CARS2: variants seen among roughly 807,000 people sequenced by gnomAD.
The protein encoded by CARS2 is probable cysteine--tRNA ligase, mitochondrial.
CARS2 carries 52 observed loss-of-function variants against 68.8 expected under a neutral mutation model. The observed-to-expected ratio is 0.76, with a 90% CI of 0.61 to 0.95. CARS2 has a LOEUF of 0.95. CARS2 is among the 40% of genes least tolerant of loss of function. The probability of loss-of-function intolerance (pLI) is 0.00; values close to 1 mark genes in which losing one functional copy is unlikely to be tolerated. For missense variants in CARS2, 780 were observed against 754.2 expected (o/e 1.03, Z -0.40); for synonymous variants, 314 against 303.6 (o/e 1.03, Z -0.36).
At chr13:110,686,263 A>G (rs2063303085) in intron 5 of CARS2, among the ~76,000 whole-genome samples, 1 of 147,194 alleles carries the variant, frequency 6.8e-6, no homozygotes, top group Non-Finnish European at 1.5e-5. Flanking sequence ...TTTTTTTGAG[A>G]CAAGGTCTCG....
Position 110,712,864 on chromosome 13 carries a change from C to T in CARS2, n.399+273G>A, listed in dbSNP as rs1307706672. ...GCTTCCCTCTCAGGCCCCTTTGTCTCCAAGCCGTTCCAAACTGAGTACCGG... is the reference window on the plus strand; with the variant it reads ...GCTTCCCTCTCAGGCCCCTTTGTCTTCAAGCCGTTCCAAACTGAGTACCGG... On this transcript the variant is annotated intron_variant and non_coding_transcript_variant, in intron 1 of 2. Transcript: ENST00000485188. 3.1e-6 allele frequency: 4 copies of T among 1,292,514 alleles called. No homozygotes were observed. In the East Asian group the frequency reaches 1.0e-4, roughly 33 times the overall value. 80.1% of individuals were successfully genotyped at this position (1,292,514 alleles called of 1,614,324 possible).
At chr13:110,644,621 C>G in intron 12 of CARS2, 138 bp from the exon 13 acceptor site, 1 of 1,444,270 alleles carries the variant, frequency 6.9e-7, no homozygotes, top group Non-Finnish European at 9.2e-7. Flanking sequence ...GGAGGGAGGA[C>G]ACAGCTCTGG....
At chr13:110,654,954 AAAAG>A (rs2062328005) in intron 9 of CARS2, among the ~76,000 whole-genome samples, 1 of 151,668 alleles carries the variant, frequency 6.6e-6, no homozygotes, top group South Asian at 2.1e-4. Context: ...AAAAAAAAGA[AAAAG>A]AAAAAAAGGA....
intron 6 of CARS2, among the ~76,000 whole-genome samples, chr13:110,682,416 T>A (rs2063183619): frequency 6.6e-6 from 1 of 152,178 alleles, no homozygotes; most frequent in Non-Finnish European, 1.5e-5. Flanking sequence ...GGGTCAGTGC[T>A]ATGGATGGTT....
At chr13:110,692,466 C>T (rs879435389) in intron 3 of CARS2, among the ~76,000 whole-genome samples, 12 of 149,418 alleles carry the variant, frequency 8.0e-5, no homozygotes, top group Non-Finnish European at 1.5e-4. Context: ...AGCAAAACTC[C>T]GTCTCAAAAA....
At chr13:110,657,452 G>A (rs893709767) in intron 9 of CARS2, among the ~76,000 whole-genome samples, 1 of 152,236 alleles carries the variant, frequency 6.6e-6, no homozygotes, top group African/African-American at 2.4e-5. Context: ...GGGCACAACA[G>A]AGGCCGAGGG....
intron 9 of CARS2, among the ~76,000 whole-genome samples, chr13:110,652,910 G>A (rs1245076379): frequency 6.6e-5 from 10 of 152,102 alleles, no homozygotes; most frequent in African/African-American, 2.2e-4. Flanking sequence ...GGCAGCAAAC[G>A]CATCTGGAAG....
intron 9 of CARS2, among the ~76,000 whole-genome samples, chr13:110,658,537 A>T (rs952789889): frequency 3.3e-5 from 5 of 152,182 alleles, no homozygotes; most frequent in African/African-American, 1.2e-4. Flanking sequence ...ATTAAAAAAA[A>T]CCCTAAAAAG....
rs181205656 is a variant in CARS2, at chr13:110,652,145, C to T, written c.988-1045G>A. On this transcript the variant is annotated intron_variant, in intron 9 of 14. Transcript: ENST00000257347. Reference sequence around the variant, plus strand: ...GCTGACCTTGCTGGAGTGAGAATTGCGTTTCCGTCTCCCTCGGGTAAACCC... The same window carrying T: ...GCTGACCTTGCTGGAGTGAGAATTGTGTTTCCGTCTCCCTCGGGTAAACCC... Among the ~76,000 whole-genome samples, 22 of 152,384 alleles carry T rather than the reference C, an allele frequency of 1.4e-4. No homozygotes were observed. The East Asian group carries it at 3.1e-3, about 21-fold the overall frequency.
At chr13:110,679,258 G>A (rs964008423) in intron 6 of CARS2, among the ~76,000 whole-genome samples, 4 of 152,054 alleles carry the variant, frequency 2.6e-5, no homozygotes, top group African/African-American at 4.8e-5. Flanking sequence ...AGCTGGGCGC[G>A]GTGGCTCACA....
rs554432833 is a variant in CARS2 at position 110,650,689 on chromosome 13, C to T, written c.1054+345G>A. On this transcript the variant is annotated intron_variant, in intron 10 of 14. Transcript: ENST00000257347. ...GGACAGGCAGGGTCACGTTTGAGGG[C>T]TCCCATGTTCAGGGGCCGTGCCAGG... The T allele has an allele frequency of 1.6e-5, 4 of 248,912 alleles. No individual in the cohort carries two copies. In the East Asian group the frequency reaches 2.9e-4, roughly 18 times the overall value. The allele number at this position is 248,912 out of a possible 1,614,324, so 15.4% of individuals were successfully genotyped here. A position where few individuals can be genotyped will look rare whatever the true frequency, so the allele number is the denominator to read the frequency against.
intron 3 of CARS2, among the ~76,000 whole-genome samples, chr13:110,697,432 G>A (rs917079984): frequency 2.6e-5 from 4 of 152,174 alleles, no homozygotes; most frequent in South Asian, 2.1e-4. Flanking sequence ...TAGCAATTCC[G>A]CTTTGGAAAT....
chr13:110,667,416 T>C lies in CARS2; in HGVS notation c.843A>G (p.Pro281=). Residue 281 remains proline (P), a synonymous_variant, in exon 8 of 15, where the codon CCA becomes CCG. Coordinates refer to ENST00000257347, the MANE Select transcript of CARS2 (RefSeq NM_024537.4). ...IHSGGIDLAF[P]HHENEIAQCE... is the part of the protein sequence containing the mutation. ...ACTGTGCAATTTCGTTTTCATGATG[T>C]GGAAAAGCTAAATCTATCCCACCTG... is the stretch of plus-strand genomic sequence containing the variant. 6.2e-7 allele frequency: 1 copy of C among 1,613,936 alleles called. No homozygotes were observed. Among genetic ancestry groups the C allele is most frequent in the South Asian group, 1.1e-5 (1 of 91,068 alleles).
chr13:110,692,003 A>AAAAATATATAT (rs1555299926), intron 3 of CARS2, among the ~76,000 whole-genome samples: 1 of 91,596 alleles, frequency 1.1e-5, no homozygotes, highest in Non-Finnish European at 2.1e-5. Context: ...AAAAAAAAAA[A>AAAAATATATAT]ATATATATAT....
At chr13:110,701,973 G>A (rs918973415) in intron 2 of CARS2, among the ~76,000 whole-genome samples, 6 of 152,070 alleles carry the variant, frequency 3.9e-5, no homozygotes, top group East Asian at 1.9e-4. Context: ...AAACAAGTAC[G>A]ATCCCATTAA....
At chr13:110,654,745 T>A (rs962496717) in intron 9 of CARS2, among the ~76,000 whole-genome samples, 1 of 151,350 alleles carries the variant, frequency 6.6e-6, no homozygotes, top group African/African-American at 2.4e-5. Context: ...TAGTGAGACT[T>A]CGTCTCTAGA....
At chr13:110,701,682 G>A (rs1001790215) in intron 2 of CARS2, 127 bp from the exon 3 acceptor site, 4 of 609,140 alleles carry the variant, frequency 6.6e-6, no homozygotes, top group African/African-American at 1.8e-5. Context: ...ACAGGTCAGC[G>A]GAGCAGGTAC....
intron 9 of CARS2, among the ~76,000 whole-genome samples, chr13:110,658,490 G>A (rs2062425243): frequency 6.6e-6 from 1 of 152,142 alleles, no homozygotes; most frequent in Non-Finnish European, 1.5e-5. Flanking sequence ...GTATGGTTAA[G>A]ATGATAACTT....
At chr13:110,671,853 T>C (rs1359366581) in intron 7 of CARS2, among the ~76,000 whole-genome samples, 4 of 151,244 alleles carry the variant, frequency 2.6e-5, no homozygotes, top group Non-Finnish European at 4.4e-5. Context: ...AGGCTCAAAA[T>C]AAAGGGATGA....
Sources: allele counts gnomAD v4.1 joint callset (sites outside exome capture counted in the v4.1 genomes callset), GRCh38; gene constraint gnomAD v4.1.1; transcripts MANE v1.5; gene names NCBI Gene and HGNC (gene_info 2026-07-23, HGNC 2026-07-21).